Variants in MACROD2 observed in about 807,000 individuals in gnomAD.
The protein encoded by MACROD2 is ADP-ribose glycohydrolase MACROD2.
Under a neutral mutation model 70.4 loss-of-function variants are expected in MACROD2, and 36 were observed. The observed-to-expected ratio is 0.51, with a 90% CI of 0.39 to 0.68. The LOEUF (loss-of-function observed/expected upper bound fraction) is 0.68. Ranked by LOEUF, MACROD2 falls within the 30% of genes least tolerant of loss-of-function variation. The pLI is 0.00. For synonymous variants in MACROD2, 172 were observed against 178.8 expected (o/e 0.96, Z 0.30); for missense variants, 496 against 538.4 (o/e 0.92, Z 0.78).
At position 15,454,662 on chromosome 20, in the gene MACROD2, G is replaced by A. The variant is rs1446578023; in HGVS notation, c.571+23227G>A. Among the ~76,000 whole-genome samples the A allele has an allele frequency of 1.4e-4, 8 of 58,560 alleles. 1 individual carries two copies. Among genetic ancestry groups the A allele is most frequent in the African/African-American group, 2.4e-4 (4 of 16,900 alleles). The allele number at this position is 58,560 out of a possible 152,430, so 38.4% of individuals were successfully genotyped here. ...TCCAGGCCAAGTTTCCAGCAGTCACGCTGGCTCTCTTCATAAATCTGTAAA... is the reference window on the plus strand; with the variant it reads ...TCCAGGCCAAGTTTCCAGCAGTCACACTGGCTCTCTTCATAAATCTGTAAA... On this transcript the variant is annotated intron_variant, in intron 7 of 17. Transcript: ENST00000684519.
At chr20:15,913,146 G>A (rs1471709009) in intron 10 of MACROD2, among the ~76,000 whole-genome samples, 1 of 151,860 alleles carries the variant, frequency 6.6e-6, no homozygotes, top group Non-Finnish European at 1.5e-5. Flanking sequence ...ATTCAAAAAT[G>A]GTAGCTATTA....
chr20:15,967,949 AT>A (rs910214473), intron 13 of MACROD2, among the ~76,000 whole-genome samples: 1 of 152,228 alleles, frequency 6.6e-6, no homozygotes, highest in Non-Finnish European at 1.5e-5. Context: ...AAATATTTTC[AT>A]TGAAAAACAT....
At chr20:15,064,873 A>T (rs895431669) in intron 5 of MACROD2, among the ~76,000 whole-genome samples, 12 of 152,230 alleles carry the variant, frequency 7.9e-5, no homozygotes, top group African/African-American at 2.9e-4. Context: ...ACTCTGAATT[A>T]AGCCTGAGTG....
intron 3 of MACROD2, among the ~76,000 whole-genome samples, chr20:14,328,531 T>G (rs2082775886): frequency 6.6e-6 from 1 of 152,154 alleles, no homozygotes. Context: ...AAGTATTAAT[T>G]AGCCTTTGTA....
chr20:14,693,303 T>G (rs2071084193), intron 5 of MACROD2, among the ~76,000 whole-genome samples: 1 of 152,284 alleles, frequency 6.6e-6, no homozygotes, highest in Non-Finnish European at 1.5e-5. Context: ...TATTTGGAGG[T>G]GTTCTCATAA....
chr20:14,154,378 CCTTTT>C (rs1316042198), intron 3 of MACROD2, among the ~76,000 whole-genome samples: 2 of 150,714 alleles, frequency 1.3e-5, no homozygotes, highest in African/African-American at 2.4e-5. Flanking sequence ...TTTAGTAATA[CCTTTT>C]CTTTTCTTTT....
At chr20:14,756,998 A>C (rs2123745753) in intron 5 of MACROD2, among the ~76,000 whole-genome samples, 1 of 152,216 alleles carries the variant, frequency 6.6e-6, no homozygotes, top group South Asian at 2.1e-4. Context: ...AAGTTTCCTG[A>C]GGCCTCCCCA....
chr20:14,970,707 A>T (rs1381845469), intron 5 of MACROD2, among the ~76,000 whole-genome samples: 1 of 152,156 alleles, frequency 6.6e-6, no homozygotes, highest in African/African-American at 2.4e-5. Context: ...ATGGAGTGCT[A>T]TGGTACAGTC....
intron 5 of MACROD2, among the ~76,000 whole-genome samples, chr20:15,216,805 C>T (rs1419442088): frequency 6.6e-6 from 1 of 152,170 alleles, no homozygotes; most frequent in Non-Finnish European, 1.5e-5. Context: ...AACTGCTCCT[C>T]ACATTCTCTG....
chr20:15,967,844 G>T (rs574830635), intron 13 of MACROD2, among the ~76,000 whole-genome samples: 5 of 152,006 alleles, frequency 3.3e-5, no homozygotes, highest in Non-Finnish European at 5.9e-5. Flanking sequence ...TTTGTGCCAG[G>T]CTGGCTTCAT....
chr20:14,903,696 C>A (rs1387921993), intron 5 of MACROD2, among the ~76,000 whole-genome samples: 3 of 152,050 alleles, frequency 2.0e-5, no homozygotes, highest in Non-Finnish European at 4.4e-5. Context: ...CACATTTCAG[C>A]AGCTTAATAC....
At chr20:14,429,579 T>G (rs1048876106) in intron 3 of MACROD2, among the ~76,000 whole-genome samples, 2 of 152,302 alleles carry the variant, frequency 1.3e-5, no homozygotes, top group Middle Eastern at 3.4e-3. Flanking sequence ...TTTAGTGGAC[T>G]TTACAGTGCT....
At chr20:14,045,920 T>TGAACAGA (rs1445447063) in intron 2 of MACROD2, among the ~76,000 whole-genome samples, 3 of 152,190 alleles carry the variant, frequency 2.0e-5, no homozygotes, top group Admixed American at 6.5e-5. Flanking sequence ...TGAACTCAGC[T>TGAACAGA]GAACAGAGAA....
chr20:15,625,136 T>G (rs562395197), intron 8 of MACROD2, among the ~76,000 whole-genome samples: 5 of 152,204 alleles, frequency 3.3e-5, no homozygotes, highest in Non-Finnish European at 7.3e-5. Context: ...GAAATGAACC[T>G]TTTATACATT....
At chr20:14,347,095 G>GA in intron 3 of MACROD2, among the ~76,000 whole-genome samples, 1 of 152,314 alleles carries the variant, frequency 6.6e-6, no homozygotes, top group East Asian at 1.9e-4. Context: ...AAACGTATTT[G>GA]AAATGAGACT....
chr20:14,418,164 A>G (rs1197483684), intron 3 of MACROD2, among the ~76,000 whole-genome samples: 1 of 152,222 alleles, frequency 6.6e-6, no homozygotes, highest in African/African-American at 2.4e-5. Flanking sequence ...CCTGTGATGA[A>G]CAGAATAGGA....
intron 6 of MACROD2, among the ~76,000 whole-genome samples, chr20:15,239,755 A>G (rs2077044522): frequency 6.6e-6 from 1 of 152,214 alleles, no homozygotes; most frequent in African/African-American, 2.4e-5. Flanking sequence ...GAAAGAAGCC[A>G]GGAGAAAGAA....
At chr20:15,955,902 T>C (rs1423092876) in intron 12 of MACROD2, among the ~76,000 whole-genome samples, 2 of 152,118 alleles carry the variant, frequency 1.3e-5, no homozygotes, top group Non-Finnish European at 2.9e-5. Flanking sequence ...CACCATGGCA[T>C]ATGTTTACCT....
At chr20:15,853,801 T>A (rs185330145) in intron 8 of MACROD2, among the ~76,000 whole-genome samples, 2 of 152,326 alleles carry the variant, frequency 1.3e-5, no homozygotes, top group South Asian at 2.1e-4. Context: ...AACCCAGTCA[T>A]GCAATGTCAG....
Sources: allele counts gnomAD v4.1 joint callset (sites outside exome capture counted in the v4.1 genomes callset), GRCh38; gene constraint gnomAD v4.1.1; transcripts MANE v1.5; gene names NCBI Gene and HGNC (gene_info 2026-07-23, HGNC 2026-07-21).